UTRN: variants seen among roughly 807,000 people sequenced by gnomAD.
UTRN encodes the protein dystrophin-related protein 1.
Under a neutral mutation model 463.9 loss-of-function variants are expected in UTRN, and 283 were observed. That is an observed-to-expected ratio of 0.61 (90% CI 0.55 to 0.67). The LOEUF (loss-of-function observed/expected upper bound fraction) is 0.67. Ranked by LOEUF, UTRN falls within the 30% of genes least tolerant of loss-of-function variation. UTRN has a pLI of 0.00. For synonymous variants in UTRN, 1,442 were observed against 1,431.5 expected (o/e 1.01, Z -0.17); for missense variants, 3,922 against 4,084.3 (o/e 0.96, Z 1.08).
chr6:144,504,498 G>A (rs1429885839), intron 34 of UTRN, among the ~76,000 whole-genome samples: 4 of 152,040 alleles, frequency 2.6e-5, no homozygotes, highest in Admixed American at 1.3e-4. Flanking sequence ...TGAGATAATC[G>A]TGGTTTGTGT....
intron 50 of UTRN, among the ~76,000 whole-genome samples, chr6:144,572,417 C>A (rs983028640): frequency 2.0e-5 from 3 of 151,950 alleles, no homozygotes; most frequent in African/African-American, 7.3e-5. Flanking sequence ...TTCTGGGATA[C>A]ATGTGCAGAA....
chr6:144,604,497 A>G (rs1327420747), intron 51 of UTRN, among the ~76,000 whole-genome samples: 2 of 152,176 alleles, frequency 1.3e-5, no homozygotes, highest in Non-Finnish European at 1.5e-5. Flanking sequence ...ATGAATTATT[A>G]TTATTCAGCT....
chr6:144,704,125 C>T (rs547437852), intron 53 of UTRN, among the ~76,000 whole-genome samples: 10 of 152,116 alleles, frequency 6.6e-5, no homozygotes, highest in Admixed American at 5.2e-4. Context: ...ACCTACTTAC[C>T]GAATAACTTT....
At chr6:144,795,146 T>A (rs2128744474) in intron 63 of UTRN, among the ~76,000 whole-genome samples, 1 of 152,302 alleles carries the variant, frequency 6.6e-6, no homozygotes, top group East Asian at 1.9e-4. Flanking sequence ...CTTGTGTTAG[T>A]TTGCTGAGAA....
intron 50 of UTRN, among the ~76,000 whole-genome samples, chr6:144,576,719 G>A (rs1265177323): frequency 6.6e-6 from 1 of 152,144 alleles, no homozygotes; most frequent in African/African-American, 2.4e-5. Flanking sequence ...CTGACTGTAT[G>A]AATATTTAAT....
chr6:144,375,068 T>G (rs1584499249), intron 2 of UTRN, among the ~76,000 whole-genome samples: 1 of 152,346 alleles, frequency 6.6e-6, no homozygotes, highest in East Asian at 1.9e-4. Context: ...TTTACTTCTT[T>G]TGGGCAGTAG....
chr6:144,363,834 G>A (rs1194367936), intron 2 of UTRN, among the ~76,000 whole-genome samples: 2 of 152,160 alleles, frequency 1.3e-5, no homozygotes, highest in African/African-American at 2.4e-5. Flanking sequence ...CAGGTAGAGG[G>A]CACAGAATTA....
At chr6:144,303,237 G>C (rs1805446009) in intron 2 of UTRN, among the ~76,000 whole-genome samples, 1 of 152,188 alleles carries the variant, frequency 6.6e-6, no homozygotes, top group Admixed American at 6.5e-5. Context: ...GTTAGTAACA[G>C]GGTGTGCAAA....
At chr6:144,638,180 A>T (rs917488340) in intron 51 of UTRN, among the ~76,000 whole-genome samples, 1 of 152,164 alleles carries the variant, frequency 6.6e-6, no homozygotes, top group Non-Finnish European at 1.5e-5. Flanking sequence ...GCACTGTTTT[A>T]AAAAAACCAC....
rs1803579172 is a variant in UTRN, at chr6:144,285,350, A to T, written c.-564A>T. Among the ~76,000 whole-genome samples the T allele has an allele frequency of 6.6e-6, 1 of 151,440 alleles. No homozygotes were observed. Among genetic ancestry groups the T allele is most frequent in the Non-Finnish European group, 1.5e-5 (1 of 67,882 alleles). ...TTGTGGAGTCGTTTTTCCTCGGAGC[A>T]GGGAAGCGGGCAGCAGCAGCCGGCC... On this transcript the variant is annotated 5_prime_UTR_variant, in exon 1 of 75. Coordinates refer to ENST00000367545, the MANE Select transcript of UTRN (RefSeq NM_007124.3).
At chr6:144,426,510 T>C (rs1218276280) in intron 7 of UTRN, 51 bp downstream of exon 7, 4 of 1,533,482 alleles carry the variant, frequency 2.6e-6, no homozygotes, top group East Asian at 2.4e-5. Context: ...ATGTCTCCTC[T>C]CTGTCCCTTT....
At chr6:144,647,954 A>G (rs1002311659) in intron 51 of UTRN, among the ~76,000 whole-genome samples, 25 of 152,240 alleles carry the variant, frequency 1.6e-4, no homozygotes, top group Non-Finnish European at 3.1e-4. Context: ...TGTTTAAATG[A>G]CTTATAATAA....
At chr6:144,489,303 G>A (rs1584988553) in intron 30 of UTRN, among the ~76,000 whole-genome samples, 1 of 152,000 alleles carries the variant, frequency 6.6e-6, no homozygotes, top group Non-Finnish European at 1.5e-5. Context: ...TGCCTGCCTC[G>A]GCCTCCCAAT....
In UTRN at chr6:144,488,873, G is replaced by A. The variant is rs1168656677; in HGVS notation, c.4134+39G>A. 6 of 1,506,402 alleles carry A rather than the reference G, an allele frequency of 4.0e-6. No individual in the cohort carries two copies. In the East Asian group the frequency reaches 1.4e-4, roughly 36 times the overall value. 93.3% of individuals were successfully genotyped at this position (1,506,402 alleles called of 1,614,324 possible). On this transcript the variant is annotated intron_variant, in intron 30 of 74. Transcript: ENST00000367545. Reference sequence around the variant, plus strand: ...TTTGAGGGCTTTTGAGCTGTAAAGAGAGCTTTTGTAATTGCCTCCTCAACT... The same window carrying A: ...TTTGAGGGCTTTTGAGCTGTAAAGAAAGCTTTTGTAATTGCCTCCTCAACT...
chr6:144,400,740 AT>A (rs765158987), intron 2 of UTRN, among the ~76,000 whole-genome samples: 85 of 152,306 alleles, frequency 5.6e-4, no homozygotes, highest in Non-Finnish European at 1.1e-3. Context: ...ACTTTGAAGT[AT>A]TTTTGAAACA....
chr6:144,577,889 C>T (rs1801593472), intron 51 of UTRN, among the ~76,000 whole-genome samples: 1 of 152,130 alleles, frequency 6.6e-6, no homozygotes, highest in African/African-American at 2.4e-5. Context: ...TGCTTCAGTA[C>T]TCTTGAACCT....
intron 2 of UTRN, among the ~76,000 whole-genome samples, chr6:144,391,697 A>C (rs1345924012): frequency 6.6e-6 from 1 of 152,184 alleles, no homozygotes; most frequent in Non-Finnish European, 1.5e-5. Context: ...GCTAGAGTGC[A>C]GTGGTGCAAT....
At chr6:144,466,921 A>T (rs1246858018) in intron 23 of UTRN, among the ~76,000 whole-genome samples, 1 of 152,180 alleles carries the variant, frequency 6.6e-6, no homozygotes, top group Non-Finnish European at 1.5e-5. Flanking sequence ...GCTCTCATGC[A>T]ATCTCTTTCC....
In UTRN at chr6:144,286,871, C is replaced by T. The variant is rs979670058; in HGVS notation, c.-93+1050C>T. 1.3e-5 allele frequency among the ~76,000 whole-genome samples: 2 copies of T among 152,188 alleles called. No homozygotes were observed. The highest frequency in any genetic ancestry group is 4.1e-4 in the South Asian group (2 of 4,830). ...GCTCTCTGAGGTGTTCAGGACAGGG[C>T]CTCCTCTTTCCCAGCCTTCAGGTCA... On this transcript the variant is annotated intron_variant, in intron 1 of 74. Transcript: ENST00000367545. This position sits in a 1 kb window ranked among gnomAD's most constrained non-coding sequence, Gnocchi z 4.4.
Sources: allele counts gnomAD v4.1 joint callset (sites outside exome capture counted in the v4.1 genomes callset), GRCh38; gene constraint gnomAD v4.1.1; non-coding constraint Gnocchi (gnomAD v3.1); transcripts MANE v1.5; gene names NCBI Gene and HGNC (gene_info 2026-07-23, HGNC 2026-07-21).